ATP6V1A: variants seen among roughly 807,000 people sequenced by gnomAD.
ATP6V1A encodes ATPase H+ transporting V1 subunit A.
In ATP6V1A, 18 loss-of-function variants were observed where a neutral mutation model predicts 70.1. That is an observed-to-expected ratio of 0.26 (90% CI 0.18 to 0.38). The LOEUF (loss-of-function observed/expected upper bound fraction) is 0.38, where lower values mean the gene tolerates loss of function less well. ATP6V1A is among the 10% of genes least tolerant of loss of function. ATP6V1A has a pLI of 1.00. For missense variants in ATP6V1A, 424 were observed against 772.4 expected, an observed-to-expected ratio of 0.55 and a Z score of 5.35; for synonymous variants, 232 against 253.8, an observed-to-expected ratio of 0.91 and a Z score of 0.82.
intron 12 of ATP6V1A, 111 bp downstream of exon 12, chr3:113,798,557 T>C: frequency 1.2e-6 from 1 of 863,782 alleles, no homozygotes; most frequent in Non-Finnish European, 1.6e-6. Flanking sequence ...TAAATATTTA[T>C]TAAATATTTT....
intron 1 of ATP6V1A, among the ~76,000 whole-genome samples, chr3:113,773,233 T>G (rs1181175184): frequency 6.6e-6 from 1 of 152,118 alleles, no homozygotes; most frequent in African/African-American, 2.4e-5. Flanking sequence ...CCACCGTGCC[T>G]GGCCAATATT....
At chr3:113,769,572 A>G (rs768597934) in intron 1 of ATP6V1A, among the ~76,000 whole-genome samples, 18 of 152,204 alleles carry the variant, frequency 1.2e-4, no homozygotes, top group African/African-American at 1.7e-4. Flanking sequence ...CAACAGCCAT[A>G]TCATCCAAGA....
intron 1 of ATP6V1A, among the ~76,000 whole-genome samples, chr3:113,752,060 C>A (rs1296831000): frequency 5.3e-5 from 8 of 151,818 alleles, no homozygotes; most frequent in African/African-American, 1.9e-4. Flanking sequence ...AGTTTTGGAT[C>A]TTAATGCTAT....
chr3:113,803,783 T>G (rs956941699), intron 13 of ATP6V1A, 106 bp downstream of exon 13: 2 of 755,354 alleles, frequency 2.6e-6, no homozygotes, highest in African/African-American at 3.5e-5. Context: ...GCTCATACAC[T>G]CTGACTTAGT....
intron 1 of ATP6V1A, among the ~76,000 whole-genome samples, chr3:113,766,692 A>C (rs1384328397): frequency 6.6e-6 from 1 of 152,144 alleles, no homozygotes; most frequent in African/African-American, 2.4e-5. Context: ...ATACCATCAC[A>C]TTGAGGGTTG....
intron 14 of ATP6V1A, among the ~76,000 whole-genome samples, chr3:113,808,026 A>C (rs1004329692): frequency 2.6e-5 from 4 of 151,282 alleles, no homozygotes; most frequent in Non-Finnish European, 5.9e-5. Flanking sequence ...GCTACTCAGG[A>C]GGCTGAGGCA....
chr3:113,780,864 T>A, intron 2 of ATP6V1A, 186 bp from the exon 3 acceptor site: 1 of 1,329,746 alleles, frequency 7.5e-7, no homozygotes, highest in Non-Finnish European at 1.0e-6. Context: ...GGCTTACCTC[T>A]TTATATTATA....
chr3:113,751,188 A>T (rs879853392), intron 1 of ATP6V1A, among the ~76,000 whole-genome samples: 10 of 152,210 alleles, frequency 6.6e-5, no homozygotes, highest in East Asian at 3.8e-4. Flanking sequence ...TTGTCTTTTT[A>T]AAAAAATTAA....
chr3:113,784,579 G>A, intron 4 of ATP6V1A, 117 bp from the exon 5 acceptor site: 3 of 1,425,184 alleles, frequency 2.1e-6, no homozygotes, highest in South Asian at 1.3e-5. Flanking sequence ...CTACTTCATG[G>A]GATTTTAGAA....
At chr3:113,770,772 A>G (rs942882124) in intron 1 of ATP6V1A, among the ~76,000 whole-genome samples, 3 of 152,066 alleles carry the variant, frequency 2.0e-5, no homozygotes, top group Non-Finnish European at 4.4e-5. Flanking sequence ...ATCATATCAT[A>G]GTTTGGACCT....
At chr3:113,798,508 G>A in intron 12 of ATP6V1A, 62 bp downstream of exon 12, 3 of 1,492,918 alleles carry the variant, frequency 2.0e-6, no homozygotes, top group Non-Finnish European at 2.8e-6. Flanking sequence ...TTCAAGGACA[G>A]ATAGAGCCTT....
At chr3:113,789,498 T>C (rs1296585576) in intron 7 of ATP6V1A, among the ~76,000 whole-genome samples, 1 of 152,184 alleles carries the variant, frequency 6.6e-6, no homozygotes, top group Non-Finnish European at 1.5e-5. Context: ...TATAGTAGTA[T>C]TTCTTTTTTC....
chr3:113,778,662 C>G, intron 1 of ATP6V1A, 79 bp from the exon 2 acceptor site: 1 of 683,132 alleles, frequency 1.5e-6, no homozygotes, highest in South Asian at 2.9e-5. Context: ...GTGGTCTCAT[C>G]TTAGTGGACT....
chr3:113,760,787 G>A (rs1003160948), intron 1 of ATP6V1A, among the ~76,000 whole-genome samples: 2 of 150,694 alleles, frequency 1.3e-5, no homozygotes, highest in Admixed American at 6.6e-5. Flanking sequence ...TATAGACATC[G>A]GCCAGGTACA....
intron 1 of ATP6V1A, among the ~76,000 whole-genome samples, chr3:113,751,990 CT>C (rs1708592208): frequency 6.6e-6 from 1 of 151,740 alleles, no homozygotes; most frequent in Non-Finnish European, 1.5e-5. Flanking sequence ...TTTCTTATAT[CT>C]TAAGGTTTTA....
intron 13 of ATP6V1A, 97 bp downstream of exon 13, chr3:113,803,774 C>T: frequency 1.2e-6 from 1 of 826,092 alleles, no homozygotes; most frequent in Non-Finnish European, 2.0e-6. Context: ...CTCATACAGG[C>T]TCATACACTC....
rs1415050056 is a variant in ATP6V1A at position 113,767,243 on chromosome 3, C to T, written c.-13-11498C>T. Among the ~76,000 whole-genome samples the T allele has an allele frequency of 2.6e-5, 4 of 151,904 alleles. No homozygotes were observed. The South Asian group carries it at 6.2e-4, about 24-fold the overall frequency. The stretch of plus-strand genomic sequence containing the variant: ...AGTAGCTGGGATTACAGGCACACGC[C>T]GCCATGCCCGGCTAATTTTGGTATT... On this transcript the variant is annotated intron_variant, in intron 1 of 14. Coordinates refer to ENST00000273398, the MANE Select transcript of ATP6V1A (RefSeq NM_001690.4).
chr3:113,775,381 C>A (rs1006435652), intron 1 of ATP6V1A, among the ~76,000 whole-genome samples: 1 of 151,950 alleles, frequency 6.6e-6, no homozygotes, highest in African/African-American at 2.4e-5. Context: ...AGGCGCCCAC[C>A]ACCACACCCA....
intron 1 of ATP6V1A, among the ~76,000 whole-genome samples, chr3:113,775,442 C>G (rs1031627240): frequency 6.6e-6 from 1 of 152,066 alleles, no homozygotes; most frequent in Non-Finnish European, 1.5e-5. Flanking sequence ...GTTGGCTAGG[C>G]AAGTCTCGAA....
Sources: gnomAD v4.1 joint callset for allele counts (sites outside exome capture counted in the v4.1 genomes callset) on GRCh38, gnomAD v4.1.1 for gene constraint, MANE v1.5 for transcripts, NCBI Gene and HGNC (gene_info 2026-07-23, HGNC 2026-07-21) for gene names.